MB21D2: variants seen among roughly 807,000 people sequenced by gnomAD.
The protein encoded by MB21D2 is nucleotidyltransferase MB21D2.
MB21D2 carries 9 observed loss-of-function variants against 33.3 expected under a neutral mutation model. The observed-to-expected ratio is 0.27, with a 90% confidence interval of 0.16 to 0.47. The LOEUF (loss-of-function observed/expected upper bound fraction) is 0.47. Among genes scored for constraint, MB21D2 ranks in the 20% least tolerant of loss-of-function variants. The pLI is 0.99. For missense variants in MB21D2, 540 were observed against 624.6 expected (o/e 0.86, Z 1.44); for synonymous variants, 241 against 236.3 (o/e 1.02, Z -0.18).
intron 1 of MB21D2, among the ~76,000 whole-genome samples, chr3:192,886,697 T>C (rs932246827): frequency 1.3e-5 from 2 of 152,148 alleles, no homozygotes; most frequent in Non-Finnish European, 2.9e-5. Flanking sequence ...TGTCATGTAC[T>C]AGTCATTCTA....
intron 1 of MB21D2, among the ~76,000 whole-genome samples, chr3:192,900,209 G>A (rs572969867): frequency 1.3e-5 from 2 of 150,690 alleles, no homozygotes; most frequent in Admixed American, 6.6e-5. Context: ...GTGTGAACCC[G>A]GGAGGCGGAG....
At chr3:192,887,243 T>C (rs1317848428) in intron 1 of MB21D2, among the ~76,000 whole-genome samples, 6 of 152,078 alleles carry the variant, frequency 3.9e-5, no homozygotes, top group Non-Finnish European at 7.4e-5. Flanking sequence ...AACTGCTGGA[T>C]TCAAGCAACC....
chr3:192,866,575 T>A (rs1484876003), intron 1 of MB21D2, among the ~76,000 whole-genome samples: 2 of 152,216 alleles, frequency 1.3e-5, no homozygotes, highest in Non-Finnish European at 2.9e-5. Context: ...TGCACGTGTA[T>A]GTAGACATGC....
At chr3:192,912,570 G>A (rs1408930591) in intron 1 of MB21D2, among the ~76,000 whole-genome samples, 2 of 152,162 alleles carry the variant, frequency 1.3e-5, no homozygotes, top group African/African-American at 2.4e-5. Context: ...CTACTCGGGA[G>A]GCTGAGGCAG....
intron 1 of MB21D2, among the ~76,000 whole-genome samples, chr3:192,867,939 G>T (rs1411407287): frequency 6.6e-6 from 1 of 152,152 alleles, no homozygotes; most frequent in African/African-American, 2.4e-5. Context: ...TGGGGATGGG[G>T]GAGGAAGGAA....
rs553167910 is a variant in MB21D2 at position 192,906,973 on chromosome 3, C to T, written c.211+10657G>A. The stretch of plus-strand genomic sequence containing the variant: ...CTGACTTAACTCACAAGTCTTCTTG[C>T]GTTAAGGAAAAAATATAAAATATAA... On this transcript the variant is annotated intron_variant, in intron 1 of 1. Transcript: ENST00000392452. 1.8e-4 allele frequency among the ~76,000 whole-genome samples: 28 copies of T among 152,330 alleles called. No homozygotes were observed. The East Asian group carries it at 5.4e-3, about 29-fold the overall frequency.
chr3:192,887,139 C>T (rs1433602238), intron 1 of MB21D2, among the ~76,000 whole-genome samples: 1 of 152,032 alleles, frequency 6.6e-6, no homozygotes, highest in African/African-American at 2.4e-5. Flanking sequence ...AGACATTTGA[C>T]GATATCAATG....
intron 1 of MB21D2, among the ~76,000 whole-genome samples, chr3:192,800,679 C>G (rs768346346): frequency 2.6e-5 from 4 of 152,194 alleles, no homozygotes; most frequent in Non-Finnish European, 5.9e-5. Flanking sequence ...ACCCGTCTTC[C>G]TCATACTGAA....
At chr3:192,863,383 A>T (rs1316046498) in intron 1 of MB21D2, among the ~76,000 whole-genome samples, 1 of 152,212 alleles carries the variant, frequency 6.6e-6, no homozygotes, top group African/African-American at 2.4e-5. Context: ...CAACTCGGTG[A>T]CATTCTGTCT....
intron 1 of MB21D2, among the ~76,000 whole-genome samples, chr3:192,869,336 GGGAAGGGA>G (rs138710698): frequency 3.5e-4 from 47 of 134,442 alleles, no homozygotes; most frequent in Middle Eastern, 4.1e-3. Flanking sequence ...AAGGGAAGGA[GGGAAGGGA>G]GGAAGGGAGG....
chr3:192,850,589 C>T (rs753342151), intron 1 of MB21D2, among the ~76,000 whole-genome samples: 8 of 152,204 alleles, frequency 5.3e-5, no homozygotes, highest in African/African-American at 7.2e-5. Context: ...GGCCAGGCCC[C>T]ACCCAGATAC....
chr3:192,813,035 C>T (rs982782366), intron 1 of MB21D2, among the ~76,000 whole-genome samples: 2 of 152,116 alleles, frequency 1.3e-5, no homozygotes, highest in African/African-American at 4.8e-5. Context: ...AGCTGATCAA[C>T]GGGCTAAAAT....
At chr3:192,898,222 G>A (rs1166045709) in intron 1 of MB21D2, among the ~76,000 whole-genome samples, 7 of 98,760 alleles carry the variant, frequency 7.1e-5, no homozygotes, top group African/African-American at 2.0e-4. Context: ...TGAATCTCAC[G>A]TATTTTTTTT....
At chr3:192,803,276 G>A (rs1711592596) in intron 1 of MB21D2, among the ~76,000 whole-genome samples, 1 of 152,182 alleles carries the variant, frequency 6.6e-6, no homozygotes, top group African/African-American at 2.4e-5. Context: ...TCGTTAAAAT[G>A]TTGACCCTTT....
chr3:192,814,709 CA>C (rs541466902), intron 1 of MB21D2, among the ~76,000 whole-genome samples: 1 of 151,754 alleles, frequency 6.6e-6, no homozygotes, highest in Admixed American at 6.6e-5. Context: ...AAAAAAAATA[CA>C]AAAAATTACC....
intron 1 of MB21D2, among the ~76,000 whole-genome samples, chr3:192,873,689 G>A (rs1209837813): frequency 2.0e-5 from 3 of 152,028 alleles, no homozygotes; most frequent in Non-Finnish European, 4.4e-5. Context: ...GACTCTCTTA[G>A]TGCATTTCTT....
At chr3:192,869,693 C>T (rs1713248776) in intron 1 of MB21D2, among the ~76,000 whole-genome samples, 1 of 152,198 alleles carries the variant, frequency 6.6e-6, no homozygotes, top group Admixed American at 6.5e-5. Flanking sequence ...CACTTGACCT[C>T]ACCTTGCACT....
At chr3:192,858,077 A>C (rs1467574910) in intron 1 of MB21D2, among the ~76,000 whole-genome samples, 2 of 152,300 alleles carry the variant, frequency 1.3e-5, no homozygotes, top group East Asian at 3.9e-4. Context: ...GTGAGCCAAG[A>C]TCACACCACT....
At chr3:192,869,264 A>AT (rs199654015) in intron 1 of MB21D2, among the ~76,000 whole-genome samples, 2 of 136,984 alleles carry the variant, frequency 1.5e-5, no homozygotes, top group African/African-American at 5.7e-5. Flanking sequence ...TCAAAAAAAA[A>AT]GAAAGGAAGG....
Sources: gnomAD v4.1 joint callset for allele counts (sites outside exome capture counted in the v4.1 genomes callset) on GRCh38, gnomAD v4.1.1 for gene constraint, MANE v1.5 for transcripts, NCBI Gene and HGNC (gene_info 2026-07-23, HGNC 2026-07-21) for gene names.